The following HHAT variants were observed in gnomAD, a reference collection of about 807,000 sequenced individuals.
The protein encoded by HHAT is hedgehog acyltransferase, also known as protein-cysteine N-palmitoyltransferase HHAT.
Under a neutral mutation model 70.8 loss-of-function variants are expected in HHAT, and 47 were observed. The observed-to-expected ratio is 0.66, with a 90% CI of 0.53 to 0.85. HHAT has a LOEUF of 0.85. Among genes scored for constraint, HHAT ranks in the 40% least tolerant of loss-of-function variants. The pLI, the probability that HHAT is intolerant of heterozygous loss-of-function variation, is 0.00. For synonymous variants in HHAT, 228 were observed against 247.6 expected, an observed-to-expected ratio of 0.92 and a Z score of 0.74; for missense variants, 609 against 604.8, an observed-to-expected ratio of 1.01 and a Z score of -0.07.
intron 8 of HHAT, among the ~76,000 whole-genome samples, chr1:210,479,537 T>G (rs1036778562): frequency 3.3e-5 from 5 of 152,162 alleles, no homozygotes; most frequent in African/African-American, 1.2e-4. Flanking sequence ...AATAAAAGCT[T>G]AGGTTAAATG....
intron 8 of HHAT, among the ~76,000 whole-genome samples, chr1:210,481,956 G>C (rs1294986063): frequency 6.6e-6 from 1 of 152,158 alleles, no homozygotes; most frequent in African/African-American, 2.4e-5. Context: ...ATAGCAAGAA[G>C]GCCAGTGTGG....
chr1:210,355,558 C>T (rs1255858440), intron 2 of HHAT, among the ~76,000 whole-genome samples: 1 of 152,124 alleles, frequency 6.6e-6, no homozygotes, highest in Non-Finnish European at 1.5e-5. Context: ...TATTACAAAC[C>T]TACCGTGACC....
intron 7 of HHAT, among the ~76,000 whole-genome samples, chr1:210,461,402 G>A (rs1048346599): frequency 6.6e-6 from 1 of 152,106 alleles, no homozygotes; most frequent in South Asian, 2.1e-4. Context: ...AGGTTCAAGC[G>A]ATTCCCCTGC....
intron 10 of HHAT, among the ~76,000 whole-genome samples, chr1:210,607,485 G>T (rs1323843742): frequency 6.6e-6 from 1 of 152,152 alleles, no homozygotes; most frequent in Non-Finnish European, 1.5e-5. Flanking sequence ...GCTTTAAGCT[G>T]TTGTTTTTGT....
At chr1:210,628,487 C>T (rs1670251423) in intron 11 of HHAT, among the ~76,000 whole-genome samples, 1 of 152,168 alleles carries the variant, frequency 6.6e-6, no homozygotes, top group South Asian at 2.1e-4. Context: ...CACCTGTACA[C>T]ACATGCACAC....
intron 9 of HHAT, among the ~76,000 whole-genome samples, chr1:210,555,162 AAACT>A (rs912344453): frequency 6.6e-6 from 1 of 152,198 alleles, no homozygotes; most frequent in African/African-American, 2.4e-5. Flanking sequence ...CCACAAAGAG[AAACT>A]AACAACCAAC....
intron 9 of HHAT, among the ~76,000 whole-genome samples, chr1:210,555,043 G>T (rs1022965696): frequency 2.0e-5 from 3 of 152,168 alleles, no homozygotes; most frequent in Admixed American, 2.0e-4. Context: ...AGGAAGGAAA[G>T]AATATGTTGA....
intron 4 of HHAT, among the ~76,000 whole-genome samples, chr1:210,399,753 A>G (rs2091973114): frequency 6.6e-6 from 1 of 152,196 alleles, no homozygotes; most frequent in African/African-American, 2.4e-5. Flanking sequence ...AAGACATGTT[A>G]ATTCATCTAC....
intron 7 of HHAT, among the ~76,000 whole-genome samples, chr1:210,446,614 C>T (rs944761149): frequency 6.6e-6 from 1 of 152,232 alleles, no homozygotes; most frequent in African/African-American, 2.4e-5. Flanking sequence ...GCCCCGGCCT[C>T]TGTGCTCCTG....
chr1:210,647,124 C>T (rs936464287), intron 11 of HHAT, among the ~76,000 whole-genome samples: 1 of 152,192 alleles, frequency 6.6e-6, no homozygotes, highest in Admixed American at 6.5e-5. Context: ...AGCGCATTCT[C>T]TCTTCGAGAC....
chr1:210,358,765 G>GGT (rs1465571158), intron 2 of HHAT, among the ~76,000 whole-genome samples: 5 of 152,080 alleles, frequency 3.3e-5, no homozygotes, highest in South Asian at 4.2e-4. Flanking sequence ...GTCAGACTAG[G>GGT]GTGTGTGTGT....
chr1:210,568,973 T>C (rs1211869590), intron 9 of HHAT, among the ~76,000 whole-genome samples: 1 of 152,056 alleles, frequency 6.6e-6, no homozygotes, highest in Non-Finnish European at 1.5e-5. Context: ...TCCAGGTAGA[T>C]AGTATCAGAA....
At chr1:210,516,097 T>G (rs1471116245) in intron 9 of HHAT, among the ~76,000 whole-genome samples, 1 of 151,956 alleles carries the variant, frequency 6.6e-6, no homozygotes, top group Non-Finnish European at 1.5e-5. Flanking sequence ...AAAGGTATTT[T>G]CTGCCCCCAG....
chr1:210,456,408 C>T (rs992943793), intron 7 of HHAT, among the ~76,000 whole-genome samples: 1 of 152,186 alleles, frequency 6.6e-6, no homozygotes, highest in Non-Finnish European at 1.5e-5. Context: ...GTGAACTGCT[C>T]ACCAGCCAGA....
intron 11 of HHAT, among the ~76,000 whole-genome samples, chr1:210,670,946 C>T (rs956834601): frequency 5.3e-5 from 8 of 152,178 alleles, no homozygotes; most frequent in Non-Finnish European, 7.3e-5. Flanking sequence ...TAAGTGCTAT[C>T]TAGCCACCTC....
At chr1:210,535,362 A>G (rs1307793331) in intron 9 of HHAT, among the ~76,000 whole-genome samples, 2 of 152,062 alleles carry the variant, frequency 1.3e-5, no homozygotes, top group African/African-American at 4.8e-5. Flanking sequence ...AAGGTTGATT[A>G]CTAGCCTGTT....
At chr1:210,379,592 T>G (rs570818709) in intron 3 of HHAT, among the ~76,000 whole-genome samples, 1 of 152,314 alleles carries the variant, frequency 6.6e-6, no homozygotes, top group African/African-American at 2.4e-5. Context: ...TTGGACTGGG[T>G]TTGGGATCTT....
At chr1:210,479,390 A>T (rs958255753) in intron 8 of HHAT, among the ~76,000 whole-genome samples, 1 of 152,216 alleles carries the variant, frequency 6.6e-6, no homozygotes, top group South Asian at 2.1e-4. Flanking sequence ...GTGTCACAAG[A>T]CAGGCATGAC....
intron 7 of HHAT, among the ~76,000 whole-genome samples, chr1:210,418,584 A>G (rs893218321): frequency 6.6e-6 from 1 of 152,052 alleles, no homozygotes; most frequent in Non-Finnish European, 1.5e-5. Flanking sequence ...GATCCTACTG[A>G]CCTTAGCTGG....
Sources: allele counts gnomAD v4.1 joint callset (sites outside exome capture counted in the v4.1 genomes callset), GRCh38; gene constraint gnomAD v4.1.1; transcripts MANE v1.5; gene names NCBI Gene and HGNC (gene_info 2026-07-23, HGNC 2026-07-21).